The following ZDBF2 variants were observed in gnomAD, a reference collection of about 807,000 sequenced individuals.
ZDBF2 encodes the protein zinc finger DBF-type containing 2, also known as DBF4-type zinc finger-containing protein 2.
A neutral mutation model predicts 9.4 loss-of-function variants in ZDBF2; 6 were observed. The ratio of observed to expected loss-of-function variants is 0.64; its 90% CI spans 0.35 to 1.27. The LOEUF (loss-of-function observed/expected upper bound fraction) is 1.27. Among genes scored for constraint, ZDBF2 ranks in the 50% most tolerant of loss-of-function variants. The pLI, the probability that ZDBF2 is intolerant of heterozygous loss-of-function variation, is 0.03. For synonymous variants in ZDBF2, 905 were observed against 946.3 expected (o/e 0.96, Z 0.80); for missense variants, 2,697 against 2,766.8 (o/e 0.97, Z 0.57).
intron 3 of ZDBF2, among the ~76,000 whole-genome samples, chr2:206,290,708 A>G (rs1691844168): frequency 6.6e-6 from 1 of 152,206 alleles, no homozygotes; most frequent in African/African-American, 2.4e-5. Context: ...GTATCATACA[A>G]CCTTGCTGAC....
At chr2:206,281,356 G>A (rs1024760452) in intron 2 of ZDBF2, among the ~76,000 whole-genome samples, 5 of 152,158 alleles carry the variant, frequency 3.3e-5, no homozygotes, top group African/African-American at 1.2e-4. Flanking sequence ...AAAATGCCAT[G>A]TGGTGTCTTT....
At position 206,308,824 on chromosome 2, in the gene ZDBF2, A is replaced by G; in HGVS notation, c.4296A>G (p.Ile1432Met). 1 of 1,613,866 alleles carries G rather than the reference A, an allele frequency of 6.2e-7. No homozygotes were observed. Among genetic ancestry groups the G allele is most frequent in the East Asian group, 2.2e-5 (1 of 44,872 alleles). The change falls in exon 5 of 5, where the codon ATA becomes ATG. Residue 1432 changes from isoleucine (I) to methionine (M), a missense_variant. Physicochemically the swap from Ile to Met is conservative, Grantham distance 10 (BLOSUM62 1). This residue lies in a region of ZDBF2 where 1,783 missense variants were observed against 1,776.5 expected (regional missense o/e 1.00). Coordinates refer to ENST00000374423, the MANE Select transcript of ZDBF2 (RefSeq NM_020923.3). ...AATCTTCTGTACCTGTCAAAGAAAT[A>G]AACTTGCAAAAGAAGGATCATAATG... ...TDQSSVPVKE[I>M]NLQKKDHNDL... is the part of the protein sequence containing the mutation.
Position 206,297,379 on chromosome 2 carries a change from G to A in ZDBF2, c.188+6G>A. On this transcript the variant is annotated splice_donor_region_variant and intron_variant, in intron 4 of 4. Coordinates refer to ENST00000374423, the MANE Select transcript of ZDBF2 (RefSeq NM_020923.3). ...TATCATTGTCAAGAGAGCAGGTAAA[G>A]TAGTTGATTGGAATAATATTTATAC... 1.9e-6 allele frequency: 3 copies of A among 1,610,430 alleles called. No individual in the cohort carries two copies. The highest frequency in any genetic ancestry group is 2.5e-6 in the Non-Finnish European group (3 of 1,178,422).
chr2:206,302,848 G>C (rs1692572848), intron 4 of ZDBF2, among the ~76,000 whole-genome samples: 1 of 152,034 alleles, frequency 6.6e-6, no homozygotes, highest in African/African-American at 2.4e-5. Flanking sequence ...TGTTCTCTTA[G>C]ACAAATGACA....
At position 206,313,279 on chromosome 2, in the gene ZDBF2, G is replaced by C. The variant is rs898167688; in HGVS notation, c.*1686G>C. 1.6e-4 allele frequency: 24 copies of C among 152,124 alleles called. No homozygotes were observed. The highest frequency in any genetic ancestry group is 1.6e-3 in the Admixed American group (24 of 15,270). The allele number at this position is 152,124 out of a possible 1,614,324, so 9.4% of individuals were successfully genotyped here. A position where few individuals can be genotyped will look rare whatever the true frequency, so the allele number is the denominator to read the frequency against. On this transcript the variant is annotated 3_prime_UTR_variant, in exon 5 of 5. Coordinates refer to ENST00000374423, the MANE Select transcript of ZDBF2 (RefSeq NM_020923.3). ...GTGTATGCTATGATGGAGTTCTTTT[G>C]TGATTTCTTTACTTCTAAATTTAAA...
intron 3 of ZDBF2, among the ~76,000 whole-genome samples, chr2:206,295,085 T>G (rs888204530): frequency 3.9e-5 from 6 of 152,160 alleles, no homozygotes; most frequent in Non-Finnish European, 7.4e-5. Flanking sequence ...AGAAAATAAT[T>G]CCAAGAGTTG....
At chr2:206,280,010 G>A (rs1691230839) in intron 2 of ZDBF2, among the ~76,000 whole-genome samples, 1 of 152,126 alleles carries the variant, frequency 6.6e-6, no homozygotes, top group Non-Finnish European at 1.5e-5. Context: ...TTGCCATGTT[G>A]GCCAGGCTGT....
At chr2:206,299,805 T>TAA (rs1295629789) in intron 4 of ZDBF2, among the ~76,000 whole-genome samples, 1 of 137,738 alleles carries the variant, frequency 7.3e-6, no homozygotes, top group Non-Finnish European at 1.6e-5. Flanking sequence ...TCTTGGCCTC[T>TAA]AAAAAAAAAA....
intron 3 of ZDBF2, among the ~76,000 whole-genome samples, chr2:206,296,574 A>G (rs1211762776): frequency 6.6e-6 from 1 of 152,228 alleles, no homozygotes; most frequent in Non-Finnish European, 1.5e-5. Flanking sequence ...CCACCGTTTC[A>G]GGCATCCACT....
chr2:206,297,006 C>CT (rs1008147368), intron 3 of ZDBF2, among the ~76,000 whole-genome samples: 12 of 152,094 alleles, frequency 7.9e-5, no homozygotes, highest in African/African-American at 2.9e-4. Context: ...ATAATGGCAT[C>CT]TTTTTTGCAT....
chr2:206,306,447 A>G lies in ZDBF2; in HGVS notation c.1919A>G (p.Gln640Arg). The change falls in exon 5 of 5, where the codon CAG becomes CGG. Residue 640 changes from glutamine to arginine, a missense_variant. Transcript: ENST00000374423. ...CTTGGGACAGTTGCAGATGAATCCC[A>G]GAGGGCTGTTGAAAAGATAAATCTT... The part of the protein sequence containing the change: ...VSLGTVADES[Q>R]RAVEKINLLK... 6.2e-7 allele frequency: 1 copy of G among 1,613,884 alleles called. No homozygotes were observed. The highest frequency in any genetic ancestry group is 8.5e-7 in the Non-Finnish European group (1 of 1,179,798).
intron 4 of ZDBF2, among the ~76,000 whole-genome samples, chr2:206,302,475 C>A (rs1050932477): frequency 2.6e-5 from 4 of 152,100 alleles, no homozygotes; most frequent in Admixed American, 6.5e-5. Context: ...CAGTTCATGA[C>A]CTTCTTGGGA....
chr2:206,306,034 T>G lies in ZDBF2; in HGVS notation c.1506T>G (p.Pro502=). The G allele has an allele frequency of 5.6e-6, 9 of 1,613,680 alleles. No individual in the cohort carries two copies. The highest frequency in any genetic ancestry group is 7.6e-6 in the Non-Finnish European group (9 of 1,179,746). ...SETNFDCDAS[P]QSTSDYPQQS... Reference sequence around the variant, plus strand: ...CGAATTTTGATTGTGATGCTTCACCTCAGTCCACTAGTGACTACCCCCAAC... The same window carrying G: ...CGAATTTTGATTGTGATGCTTCACCGCAGTCCACTAGTGACTACCCCCAAC... The change falls in exon 5 of 5, where the codon CCT becomes CCG. Residue 502 remains proline, a synonymous_variant. Coordinates refer to ENST00000374423, the MANE Select transcript of ZDBF2 (RefSeq NM_020923.3).
rs767921337 is a variant in ZDBF2, at chr2:206,306,953, G to T, written c.2425G>T (p.Val809Phe). The change falls in exon 5 of 5, where the codon GTT becomes TTT. Residue 809 changes from valine to phenylalanine, a missense_variant. This residue lies in a region of ZDBF2 where 910 missense variants were observed against 973.6 expected (regional missense o/e 0.93). Coordinates refer to ENST00000374423, the MANE Select transcript of ZDBF2 (RefSeq NM_020923.3). Reference sequence around the variant, plus strand: ...AGTAATTGACCAACCTGAAGTAGCTGTTTATGAGGAAGAAACTGTTGATCT... The same window carrying T: ...AGTAATTGACCAACCTGAAGTAGCTTTTTATGAGGAAGAAACTGTTGATCT... ...YSVIDQPEVA[V>F]YEEETVDLES... 1 of 1,613,678 alleles carries T rather than the reference G, an allele frequency of 6.2e-7. No homozygotes were observed. The highest frequency in any genetic ancestry group is 1.7e-4 in the Middle Eastern group (1 of 6,060).
chr2:206,294,505 T>A (rs747736390), intron 3 of ZDBF2, among the ~76,000 whole-genome samples: 6 of 152,320 alleles, frequency 3.9e-5, no homozygotes, highest in Non-Finnish European at 7.4e-5. Context: ...AGCTTTTATT[T>A]TAGATTCGGG....
intron 3 of ZDBF2, among the ~76,000 whole-genome samples, chr2:206,287,108 C>G (rs1413192742): frequency 6.6e-6 from 1 of 152,062 alleles, no homozygotes; most frequent in African/African-American, 2.4e-5. Flanking sequence ...TACAGATTTG[C>G]TCTTTGGTGG....
In ZDBF2 at chr2:206,290,110, A is replaced by G. The variant is rs540416249; in HGVS notation, c.61-7136A>G. On this transcript the variant is annotated intron_variant, in intron 3 of 4. Coordinates refer to ENST00000374423, the MANE Select transcript of ZDBF2 (RefSeq NM_020923.3). The stretch of plus-strand genomic sequence containing the variant: ...GTATCAGCACCATTTGTTGAAGACT[A>G]TCCTTTCCACATTCAATTGCCTTGA... 1.6e-4 allele frequency among the ~76,000 whole-genome samples: 24 copies of G among 152,326 alleles called. No homozygotes were observed. The South Asian group carries it at 3.5e-3, about 22-fold the overall frequency.
chr2:206,283,182 T>A (rs1246788270), intron 3 of ZDBF2, among the ~76,000 whole-genome samples: 1 of 152,256 alleles, frequency 6.6e-6, no homozygotes, highest in Non-Finnish European at 1.5e-5. Context: ...GATATATGTG[T>A]ACAAGTTTTT....
Position 206,309,758 on chromosome 2 carries a change from G to A in ZDBF2, c.5230G>A (p.Asp1744Asn), listed in dbSNP as rs954436501. The change falls in exon 5 of 5, where the codon GAT (aspartate) becomes AAT (asparagine). Residue 1744 changes from aspartate to asparagine, a missense_variant. Asp to Asn is a conservative substitution (Grantham distance 23). This residue lies in a region of ZDBF2 where 1,783 missense variants were observed against 1,776.5 expected (regional missense o/e 1.00). Transcript: ENST00000374423. ...AGATCTAGAAGTGAGCTGTGAACCG[G>A]ATGGTTTTGAGATGAATTTTCAGTG... ...HRDLEVSCEP[D>N]GFEMNFQCAP... 1.2e-6 allele frequency: 2 copies of A among 1,613,820 alleles called. No homozygotes were observed. The highest frequency in any genetic ancestry group is 1.3e-5 in the African/African-American group (1 of 74,920).
Sources: allele counts gnomAD v4.1 joint callset (sites outside exome capture counted in the v4.1 genomes callset), GRCh38; gene constraint gnomAD v4.1.1; regional missense constraint gnomAD v4.1.1; transcripts MANE v1.5; gene names NCBI Gene and HGNC (gene_info 2026-07-23, HGNC 2026-07-21).